LAMC1: variants seen among roughly 807,000 people sequenced by gnomAD.
The protein encoded by LAMC1 is laminin subunit gamma-1.
In LAMC1, 38 loss-of-function variants were observed where a neutral mutation model predicts 173.6. The ratio of observed to expected loss-of-function variants is 0.22; its 90% CI spans 0.17 to 0.29. The LOEUF (loss-of-function observed/expected upper bound fraction) is 0.29. Ranked by LOEUF, LAMC1 falls within the 10% of genes least tolerant of loss-of-function variation. LAMC1 has a pLI of 1.00. For missense variants in LAMC1, 1,824 were observed against 2,051.8 expected (o/e 0.89, Z 2.14); for synonymous variants, 746 against 749.1 (o/e 1.00, Z 0.07).
intron 1 of LAMC1, among the ~76,000 whole-genome samples, chr1:183,034,884 G>C (rs76702041): frequency 8.5e-4 from 129 of 152,286 alleles, no homozygotes; most frequent in African/African-American, 3.1e-3. Context: ...GAATTCTTCA[G>C]TCTTGAGAAC....
Position 183,127,123 on chromosome 1 carries a change from CAG to C in LAMC1, c.2945-102_2945-101del, listed in dbSNP as rs761698411. 418 of 942,006 alleles carry C rather than the reference CAG, an allele frequency of 4.4e-4. 1 individual carries two copies. The highest frequency in any genetic ancestry group is 6.1e-4 in the Non-Finnish European group (393 of 646,738). The allele number at this position is 942,006 out of a possible 1,614,324, so 58.4% of individuals were successfully genotyped here. A position where few individuals can be genotyped will look rare whatever the true frequency, so the allele number is the denominator to read the frequency against. ...GTCCTGTTTTTCAAAAAAATTATGA[CAG>C]TATAGTCAGCTTATAGTCAGCTTAT... On this transcript the variant is annotated intron_variant, in intron 16 of 27. Transcript: ENST00000258341.
At chr1:183,037,321 T>C (rs1480368642) in intron 1 of LAMC1, among the ~76,000 whole-genome samples, 1 of 140,708 alleles carries the variant, frequency 7.1e-6, no homozygotes, top group Non-Finnish European at 1.6e-5. Flanking sequence ...CCATGACTTC[T>C]TTCTGGTTGT....
At chr1:183,095,539 A>G (rs775647678) in intron 1 of LAMC1, among the ~76,000 whole-genome samples, 5 of 152,198 alleles carry the variant, frequency 3.3e-5, no homozygotes, top group Non-Finnish European at 7.3e-5. Flanking sequence ...TAGTGTTATA[A>G]TTAACTTAGT....
At chr1:183,060,041 A>G (rs1286302408) in intron 1 of LAMC1, among the ~76,000 whole-genome samples, 1 of 152,136 alleles carries the variant, frequency 6.6e-6, no homozygotes, top group Non-Finnish European at 1.5e-5. Context: ...GGATTGTGAT[A>G]GTAGGGAGGG....
At chr1:183,025,887 T>G (rs1280256438) in intron 1 of LAMC1, among the ~76,000 whole-genome samples, 1 of 152,354 alleles carries the variant, frequency 6.6e-6, no homozygotes, top group Middle Eastern at 3.4e-3. Context: ...TTGTAGGCAC[T>G]GTGTAGCTAA....
chr1:183,054,645 C>T (rs1323283315), intron 1 of LAMC1, among the ~76,000 whole-genome samples: 4 of 152,156 alleles, frequency 2.6e-5, no homozygotes, highest in Admixed American at 6.5e-5. Flanking sequence ...ATTGCAAGGT[C>T]GCTTCTCAGC....
chr1:183,115,787 C>T, intron 6 of LAMC1, 150 bp downstream of exon 6: 1 of 646,436 alleles, frequency 1.5e-6, no homozygotes, highest in South Asian at 1.8e-5. Context: ...TGGTGAGCCA[C>T]AAGGGGTTTG....
chr1:183,140,327 T>C (rs1428160226), intron 26 of LAMC1, 77 bp from the exon 27 acceptor site: 2 of 693,608 alleles, frequency 2.9e-6, no homozygotes, highest in Middle Eastern at 2.7e-4. Context: ...ATTAGATTTG[T>C]TGGGTCATTG....
chr1:183,142,906 G>C lies in LAMC1; in HGVS notation c.*116G>C, dbSNP rs3359. 616,766 of 1,084,330 alleles carry C rather than the reference G, an allele frequency of 0.57. 177,159 individuals are homozygous for C. The highest frequency in any genetic ancestry group is 0.66 in the Admixed American group (25,617 of 38,916). 67.2% of individuals were successfully genotyped at this position (1,084,330 alleles called of 1,614,324 possible). A position where few individuals can be genotyped will look rare whatever the true frequency, so the allele number is the denominator to read the frequency against. ...CCCCCACTCCTCTGCTGCTGTCCAT[G>C]ACTGTCCTTTTGAACCAGGAAAAGT... On this transcript the variant is annotated 3_prime_UTR_variant, in exon 28 of 28. Coordinates refer to ENST00000258341, the MANE Select transcript of LAMC1 (RefSeq NM_002293.4).
Position 183,124,637 on chromosome 1 carries a change from G to T in LAMC1, c.2408G>T (p.Arg803Ile). 21 of 1,614,226 alleles carry T rather than the reference G, an allele frequency of 1.3e-5. No homozygotes were observed. The highest frequency in any genetic ancestry group is 1.7e-5 in the Non-Finnish European group (20 of 1,180,040). The change falls in exon 14 of 28, where the codon AGA becomes ATA. Residue 803 changes from arginine to isoleucine, a missense_variant. Arg to Ile is a moderately conservative substitution (Grantham distance 97). Coordinates refer to ENST00000258341, the MANE Select transcript of LAMC1 (RefSeq NM_002293.4). Reference sequence around the variant, plus strand: ...CAGATTGTCTCATCCCCAGGTAAGAGATGTGAGCTCTGTGATGATGGCTAC... The same window carrying T: ...CAGATTGTCTCATCCCCAGGTAAGATATGTGAGCTCTGTGATGATGGCTAC... ...TNCPTGTTGK[R>I]CELCDDGYFG...
chr1:183,111,890 C>T lies in LAMC1; in HGVS notation c.1021+1236C>T, dbSNP rs1027600018. Among the ~76,000 whole-genome samples the T allele has an allele frequency of 1.6e-4, 25 of 152,166 alleles. No individual in the cohort carries two copies. The East Asian group carries it at 4.4e-3, about 27-fold the overall frequency. ...TCTCTACTAAAAATAGAAAAATTAGCCAGGTGTGGTGGTGCACGCCTGTAA... is the reference window on the plus strand; with the variant it reads ...TCTCTACTAAAAATAGAAAAATTAGTCAGGTGTGGTGGTGCACGCCTGTAA... On this transcript the variant is annotated intron_variant, in intron 4 of 27. Transcript: ENST00000258341.
At chr1:183,126,867 A>G (rs1318468742) in intron 16 of LAMC1, among the ~76,000 whole-genome samples, 3 of 152,236 alleles carry the variant, frequency 2.0e-5, no homozygotes, top group Non-Finnish European at 2.9e-5. Flanking sequence ...AAGCATTAGC[A>G]TTTGGGTTTT....
At chr1:183,035,899 A>G (rs1653967064) in intron 1 of LAMC1, among the ~76,000 whole-genome samples, 1 of 152,134 alleles carries the variant, frequency 6.6e-6, no homozygotes, top group Non-Finnish European at 1.5e-5. Flanking sequence ...CAACCCCCTT[A>G]GAGTATAATA....
chr1:183,050,125 G>C (rs572434829), intron 1 of LAMC1, among the ~76,000 whole-genome samples: 2 of 152,088 alleles, frequency 1.3e-5, no homozygotes, highest in East Asian at 3.9e-4. Context: ...CTCCATGTGA[G>C]CTTTTATTAT....
chr1:183,143,070 G>A lies in LAMC1; in HGVS notation c.*280G>A, dbSNP rs1358297058. 1.4e-5 allele frequency: 5 copies of A among 362,776 alleles called. No individual in the cohort carries two copies. The highest frequency in any genetic ancestry group is 6.0e-5 in the South Asian group (2 of 33,388). 22.5% of individuals were successfully genotyped at this position (362,776 alleles called of 1,614,324 possible). A position where few individuals can be genotyped will look rare whatever the true frequency, so the allele number is the denominator to read the frequency against. On this transcript the variant is annotated 3_prime_UTR_variant, in exon 28 of 28. Transcript: ENST00000258341. ...TTTGCGTGAGGACGTGGCATCCTAC[G>A]TTACTGTACAGTGGCATAAGCACAT...
chr1:183,113,893 T>C (rs751808798), intron 4 of LAMC1, among the ~76,000 whole-genome samples: 3 of 152,032 alleles, frequency 2.0e-5, no homozygotes, highest in Non-Finnish European at 4.4e-5. Flanking sequence ...AGAATTATAA[T>C]TTGACTTGAC....
chr1:183,139,722 T>C (rs1448466444), intron 26 of LAMC1, among the ~76,000 whole-genome samples: 1 of 152,240 alleles, frequency 6.6e-6, no homozygotes, highest in Non-Finnish European at 1.5e-5. Context: ...TTTTCTGATA[T>C]TTAGACACTT....
intron 1 of LAMC1, among the ~76,000 whole-genome samples, chr1:183,084,345 GAA>G (rs372863204): frequency 9.9e-5 from 10 of 101,384 alleles, no homozygotes; most frequent in East Asian, 2.9e-4. Flanking sequence ...TCCGTCTCAA[GAA>G]AAAAAAAAAA....
In LAMC1 at chr1:183,023,542, T is replaced by G; in HGVS notation, c.-175T>G. On this transcript the variant is annotated 5_prime_UTR_variant, in exon 1 of 28. Transcript: ENST00000258341. ...GGTCGGCGAGCAGCGCGGTCCTCGCTAGGGGCGCCCACCCGTCAGTCTCTC... is the reference window on the plus strand; with the variant it reads ...GGTCGGCGAGCAGCGCGGTCCTCGCGAGGGGCGCCCACCCGTCAGTCTCTC... 1 of 316,152 alleles carries G rather than the reference T, an allele frequency of 3.2e-6. No individual in the cohort carries two copies. Among genetic ancestry groups the G allele is most frequent in the Non-Finnish European group, 5.2e-6 (1 of 192,856 alleles). 19.6% of individuals were successfully genotyped at this position (316,152 alleles called of 1,614,324 possible). A position where few individuals can be genotyped will look rare whatever the true frequency, so the allele number is the denominator to read the frequency against.
Sources: gnomAD v4.1 joint callset for allele counts (sites outside exome capture counted in the v4.1 genomes callset) on GRCh38, gnomAD v4.1.1 for gene constraint, MANE v1.5 for transcripts, NCBI Gene and HGNC (gene_info 2026-07-23, HGNC 2026-07-21) for gene names.